EPHA3: variants seen among roughly 807,000 people sequenced by gnomAD.
The protein encoded by EPHA3 is EPH receptor A3.
In EPHA3, 42 loss-of-function variants were observed where a neutral mutation model predicts 107.1. That is an observed-to-expected ratio of 0.39 (90% CI 0.31 to 0.51). EPHA3 has a LOEUF of 0.51. EPHA3 is among the 20% of genes least tolerant of loss of function. EPHA3 has a pLI of 0.78. For synonymous variants in EPHA3, 461 were observed against 424.8 expected, an observed-to-expected ratio of 1.09 and a Z score of -1.05; for missense variants, 1,183 against 1,211.2, an observed-to-expected ratio of 0.98 and a Z score of 0.35.
At chr3:89,357,528 G>A (rs1192604341) in intron 5 of EPHA3, among the ~76,000 whole-genome samples, 5 of 151,128 alleles carry the variant, frequency 3.3e-5, no homozygotes, top group African/African-American at 1.2e-4. Context: ...GGCAAAGTTC[G>A]TCTATCTTTG....
intron 2 of EPHA3, among the ~76,000 whole-genome samples, chr3:89,139,921 C>A (rs972053775): frequency 2.0e-5 from 3 of 151,794 alleles, no homozygotes; most frequent in Non-Finnish European, 4.4e-5. Flanking sequence ...TCATGCATTG[C>A]AGCAGCACCC....
At chr3:89,413,842 TTTG>T (rs927300859) in intron 10 of EPHA3, among the ~76,000 whole-genome samples, 1 of 151,732 alleles carries the variant, frequency 6.6e-6, no homozygotes, top group African/African-American at 2.4e-5. Context: ...CAATGATAAA[TTTG>T]TTAACAATCA....
intron 2 of EPHA3, among the ~76,000 whole-genome samples, chr3:89,151,216 A>C (rs1334174982): frequency 5.3e-5 from 8 of 152,196 alleles, no homozygotes; most frequent in Non-Finnish European, 1.2e-4. Context: ...TCTACTCTCA[A>C]ATCCATTATC....
At position 89,362,635 on chromosome 3, in the gene EPHA3, G is replaced by A. The variant is rs111478206; in HGVS notation, c.1306+20545G>A. On this transcript the variant is annotated intron_variant, in intron 5 of 16. Transcript: ENST00000336596. Reference sequence around the variant, plus strand: ...TGTATAAGGAGTGTACTGGGTGGACGTTGGGAGATGGGGCAAGGGAGAAGG... The same window carrying A: ...TGTATAAGGAGTGTACTGGGTGGACATTGGGAGATGGGGCAAGGGAGAAGG... Among the ~76,000 whole-genome samples the A allele has an allele frequency of 1.3e-3, 202 of 150,994 alleles. 1 individual carries two copies. The highest frequency in any genetic ancestry group is 4.6e-3 in the African/African-American group (192 of 41,408).
chr3:89,281,004 A>ATTTTCTATTTAT (rs71105126), intron 3 of EPHA3, among the ~76,000 whole-genome samples: 1 of 147,280 alleles, frequency 6.8e-6, no homozygotes, highest in Non-Finnish European at 1.5e-5. Context: ...CAAGATTTTT[A>ATTTTCTATTTAT]TTATTTATTT....
At chr3:89,132,767 G>C (rs973477282) in intron 2 of EPHA3, among the ~76,000 whole-genome samples, 1 of 152,154 alleles carries the variant, frequency 6.6e-6, no homozygotes, top group Non-Finnish European at 1.5e-5. Context: ...GCCTTCACCT[G>C]TAGTTCTAGC....
intron 3 of EPHA3, among the ~76,000 whole-genome samples, chr3:89,236,368 T>C (rs142626082): frequency 2.6e-5 from 4 of 151,864 alleles, no homozygotes; most frequent in Non-Finnish European, 5.9e-5. Flanking sequence ...GTTAATACAA[T>C]GAATTACTAC....
intron 2 of EPHA3, among the ~76,000 whole-genome samples, chr3:89,134,023 C>A (rs1323266800): frequency 7.3e-6 from 1 of 137,512 alleles, no homozygotes; most frequent in Non-Finnish European, 1.6e-5. Flanking sequence ...TTCAAAACAA[C>A]ATTTTTTTTT....
intron 3 of EPHA3, among the ~76,000 whole-genome samples, chr3:89,230,804 T>C (rs66713525): frequency 0.015 from 1,755 of 119,858 alleles, 16 homozygotes; most frequent in African/African-American, 0.044. Flanking sequence ...TCTCTCTCTC[T>C]CCCTCTCTCT....
chr3:89,184,796 C>A (rs969554609), intron 2 of EPHA3, among the ~76,000 whole-genome samples: 4 of 151,814 alleles, frequency 2.6e-5, no homozygotes, highest in African/African-American at 4.8e-5. Context: ...GGGAGTCAGG[C>A]GGAAAGATAG....
At chr3:89,365,608 G>A (rs1379782563) in intron 5 of EPHA3, among the ~76,000 whole-genome samples, 1 of 150,592 alleles carries the variant, frequency 6.6e-6, no homozygotes, top group African/African-American at 2.4e-5. Flanking sequence ...TCAGTTCTGT[G>A]TCAAGAATTC....
intron 3 of EPHA3, among the ~76,000 whole-genome samples, chr3:89,258,740 C>T (rs1477006117): frequency 6.6e-6 from 1 of 152,120 alleles, no homozygotes; most frequent in Non-Finnish European, 1.5e-5. Context: ...TCAAAATCTT[C>T]CAAAGGATCC....
chr3:89,360,947 T>A (rs1421245181), intron 5 of EPHA3, among the ~76,000 whole-genome samples: 2 of 150,940 alleles, frequency 1.3e-5, no homozygotes, highest in East Asian at 3.9e-4. Flanking sequence ...TATGAACAGA[T>A]AGGTTTGTTT....
chr3:89,333,369 CTTCT>C (rs1182389594), intron 3 of EPHA3, among the ~76,000 whole-genome samples: 1 of 152,084 alleles, frequency 6.6e-6, no homozygotes, highest in Admixed American at 6.6e-5. Flanking sequence ...TTTTGGCTTC[CTTCT>C]ATTATCTTAC....
chr3:89,262,309 G>T (rs1028846294), intron 3 of EPHA3, among the ~76,000 whole-genome samples: 1 of 152,128 alleles, frequency 6.6e-6, no homozygotes, highest in Non-Finnish European at 1.5e-5. Context: ...ATTTTTAATT[G>T]TTCTGGAGGC....
chr3:89,457,612 G>T (rs2107562582), intron 15 of EPHA3, among the ~76,000 whole-genome samples: 1 of 152,238 alleles, frequency 6.6e-6, no homozygotes, highest in African/African-American at 2.4e-5. Context: ...AACAGGTTGG[G>T]GACCGCTGCG....
intron 2 of EPHA3, among the ~76,000 whole-genome samples, chr3:89,206,543 C>T (rs1706110421): frequency 6.6e-6 from 1 of 152,156 alleles, no homozygotes; most frequent in African/African-American, 2.4e-5. Flanking sequence ...GTTTTTGCTA[C>T]ATCTGTACTT....
intron 3 of EPHA3, among the ~76,000 whole-genome samples, chr3:89,284,890 G>GCTGA (rs1405100918): frequency 6.6e-6 from 1 of 152,190 alleles, no homozygotes. Flanking sequence ...ACTTTGGGAG[G>GCTGA]CTGAGGAGGG....
rs561425556 is a variant in EPHA3, at chr3:89,418,906, AACAT to A, written c.1889-297_1889-294del. Among the ~76,000 whole-genome samples the A allele has an allele frequency of 2.6e-4, 40 of 151,560 alleles. 1 individual carries two copies. The highest frequency in any genetic ancestry group is 2.3e-3 in the South Asian group (11 of 4,826). On this transcript the variant is annotated intron_variant, in intron 10 of 16. Transcript: ENST00000336596. ...TATGACAACAAGGGGTAAAAAATCT[AACAT>A]ATGCAGCTTTCAACTTATCTCTCCT...
Sources: allele counts gnomAD v4.1 joint callset (sites outside exome capture counted in the v4.1 genomes callset), GRCh38; gene constraint gnomAD v4.1.1; transcripts MANE v1.5; gene names NCBI Gene and HGNC (gene_info 2026-07-23, HGNC 2026-07-21).